The following OPCML variants were observed in gnomAD, a reference collection of about 807,000 sequenced individuals.
The protein encoded by OPCML is opioid binding protein/cell adhesion molecule like.
In OPCML, 13 loss-of-function variants were observed where a neutral mutation model predicts 37.8. The observed-to-expected ratio is 0.34, with a 90% CI of 0.22 to 0.55. The LOEUF is 0.55. Among genes scored for constraint, OPCML ranks in the 20% least tolerant of loss-of-function variants. The probability of loss-of-function intolerance (pLI) is 0.91; values close to 1 mark genes in which losing one functional copy is unlikely to be tolerated. For missense variants in OPCML, 341 were observed against 435.6 expected (o/e 0.78, Z 1.93); for synonymous variants, 176 against 168.8 (o/e 1.04, Z -0.33).
At chr11:132,449,421 G>A (rs1426992092) in intron 4 of OPCML, among the ~76,000 whole-genome samples, 1 of 152,016 alleles carries the variant, frequency 6.6e-6, no homozygotes, top group Admixed American at 6.6e-5. Context: ...ATGATTTGAG[G>A]CCCATTTTCA....
At chr11:133,356,685 G>C (rs1019136639) in intron 1 of OPCML, among the ~76,000 whole-genome samples, 2 of 152,094 alleles carry the variant, frequency 1.3e-5, no homozygotes, top group Non-Finnish European at 2.9e-5. Context: ...CCTCTAAATA[G>C]CTTTAATTAA....
chr11:133,211,443 C>T lies in OPCML; in HGVS notation c.62-268433G>A, dbSNP rs1230941766. Among the ~76,000 whole-genome samples the T allele has an allele frequency of 1.3e-5, 2 of 152,216 alleles. No homozygotes were observed. The highest frequency in any genetic ancestry group is 2.9e-5 in the Non-Finnish European group (2 of 68,044). On this transcript the variant is annotated intron_variant, in intron 1 of 7. Coordinates refer to ENST00000524381, the MANE Select transcript of OPCML (RefSeq NM_001012393.5). This position sits in a 1 kb window ranked among gnomAD's most constrained non-coding sequence, Gnocchi z 4.1. Reference sequence around the variant, plus strand: ...ACCTGTCAGGGATGGGTTTCCTGCACTACAATAAGACATTGTCAATCAGCA... The same window carrying T: ...ACCTGTCAGGGATGGGTTTCCTGCATTACAATAAGACATTGTCAATCAGCA...
chr11:133,468,727 C>G (rs1007466200), intron 1 of OPCML, among the ~76,000 whole-genome samples: 2 of 152,186 alleles, frequency 1.3e-5, no homozygotes, highest in African/African-American at 4.8e-5. Flanking sequence ...GACAAGCGTT[C>G]AAGAGCTCAC....
intron 3 of OPCML, among the ~76,000 whole-genome samples, chr11:132,557,177 A>T (rs1397142873): frequency 6.6e-6 from 1 of 152,212 alleles, no homozygotes; most frequent in African/African-American, 2.4e-5. Context: ...AACTGTTGTT[A>T]TTAAATACAG....
chr11:132,847,955 C>T (rs991233225), intron 2 of OPCML, among the ~76,000 whole-genome samples: 1 of 152,166 alleles, frequency 6.6e-6, no homozygotes, highest in African/African-American at 2.4e-5. Context: ...GAATGAGGAA[C>T]TCACCCACCT....
At chr11:132,748,284 A>C (rs1451260395) in intron 2 of OPCML, among the ~76,000 whole-genome samples, 13 of 152,094 alleles carry the variant, frequency 8.5e-5, no homozygotes, top group Admixed American at 6.6e-4. Context: ...GGGTTTATGG[A>C]ATCCTGTTTG....
chr11:132,579,821 T>C (rs1015904283), intron 3 of OPCML, among the ~76,000 whole-genome samples: 2 of 152,158 alleles, frequency 1.3e-5, no homozygotes, highest in Non-Finnish European at 2.9e-5. Context: ...CACATTAATA[T>C]AGAAGTACAG....
At chr11:132,735,132 T>C (rs1945211655) in intron 2 of OPCML, among the ~76,000 whole-genome samples, 1 of 152,074 alleles carries the variant, frequency 6.6e-6, no homozygotes, top group Non-Finnish European at 1.5e-5. Flanking sequence ...AGCGTACTGG[T>C]TTTGAATACT....
chr11:133,490,850 C>T (rs1184448784), intron 1 of OPCML, among the ~76,000 whole-genome samples: 2 of 152,168 alleles, frequency 1.3e-5, no homozygotes, highest in Non-Finnish European at 2.9e-5. Flanking sequence ...CATCTTCCTT[C>T]ACCCTAGGCC....
rs150269931 is a variant in OPCML at position 132,751,301 on chromosome 11, C to T, written c.147-93982G>A. Among the ~76,000 whole-genome samples the T allele has an allele frequency of 8.5e-3, 1,287 of 152,268 alleles. 12 individuals are homozygous for T. The highest frequency in any genetic ancestry group is 0.014 in the Non-Finnish European group (946 of 68,034). ...CTCCAGCGGTGGTGAGACTCTGCTCCTGAGATGCTCTGAATGCTTCTAAGT... is the reference window on the plus strand; with the variant it reads ...CTCCAGCGGTGGTGAGACTCTGCTCTTGAGATGCTCTGAATGCTTCTAAGT... On this transcript the variant is annotated intron_variant, in intron 2 of 7. Transcript: ENST00000524381.
chr11:133,254,440 C>T (rs937559433), intron 1 of OPCML, among the ~76,000 whole-genome samples: 4 of 152,116 alleles, frequency 2.6e-5, no homozygotes, highest in Non-Finnish European at 5.9e-5. Context: ...ATTTGGGTAC[C>T]ACACCAAGGA....
intron 3 of OPCML, among the ~76,000 whole-genome samples, chr11:132,561,867 A>G (rs968672809): frequency 5.9e-5 from 9 of 152,198 alleles, no homozygotes; most frequent in East Asian, 3.9e-4. Flanking sequence ...TTTGCAGCAG[A>G]TTCACCTTTC....
At chr11:132,570,816 G>GAGAGAGAGAGAGAGAGAGAT in intron 3 of OPCML, among the ~76,000 whole-genome samples, 1 of 126,986 alleles carries the variant, frequency 7.9e-6, no homozygotes, top group Non-Finnish European at 1.7e-5. Context: ...GAGAGAGAGA[G>GAGAGAGAGAGAGAGAGAGAT]AGAGGATATA....
chr11:132,608,196 T>C (rs907166502), intron 3 of OPCML, among the ~76,000 whole-genome samples: 1 of 152,172 alleles, frequency 6.6e-6, no homozygotes, highest in Non-Finnish European at 1.5e-5. Context: ...ATGTAAGACA[T>C]AAACCACAGT....
intron 2 of OPCML, among the ~76,000 whole-genome samples, chr11:132,692,405 T>G (rs776686863): frequency 4.6e-5 from 7 of 152,094 alleles, no homozygotes; most frequent in Non-Finnish European, 7.4e-5. Context: ...GACTTGGCAG[T>G]TTTCCTCTAA....
Position 132,715,987 on chromosome 11 carries a change from G to GA in OPCML, c.147-58669dup, listed in dbSNP as rs935347212. Among the ~76,000 whole-genome samples, 10 of 152,014 alleles carry GA rather than the reference G, an allele frequency of 6.6e-5. 1 individual carries two copies. Among genetic ancestry groups the GA allele is most frequent in the African/African-American group, 1.2e-4 (5 of 41,384 alleles). ...TTTCCAAACAAATTTATGTTTCTTA[G>GA]AAAAAAAATTCGGTGCCAATTAATT... On this transcript the variant is annotated intron_variant, in intron 2 of 7. Coordinates refer to ENST00000524381, the MANE Select transcript of OPCML (RefSeq NM_001012393.5).
chr11:132,448,118 T>C (rs573163026), intron 4 of OPCML, among the ~76,000 whole-genome samples: 1 of 152,332 alleles, frequency 6.6e-6, no homozygotes, highest in African/African-American at 2.4e-5. Context: ...CTAGGGTCTT[T>C]TCAGGGTATT....
At chr11:133,453,199 T>A (rs1347417958) in intron 1 of OPCML, among the ~76,000 whole-genome samples, 1 of 152,156 alleles carries the variant, frequency 6.6e-6, no homozygotes, top group Non-Finnish European at 1.5e-5. Context: ...AAAAATAAAT[T>A]AAATAAAATA....
intron 1 of OPCML, chr11:133,008,834 C>A (rs1237525529): frequency 5.3e-6 from 5 of 949,850 alleles, no homozygotes; most frequent in Non-Finnish European, 5.0e-6. Context: ...ACTTTCTGAA[C>A]AAAAGTCTCC....
Sources: allele counts gnomAD v4.1 joint callset (sites outside exome capture counted in the v4.1 genomes callset), GRCh38; gene constraint gnomAD v4.1.1; non-coding constraint Gnocchi (gnomAD v3.1); transcripts MANE v1.5; gene names NCBI Gene and HGNC (gene_info 2026-07-23, HGNC 2026-07-21).